Variants in TMEM108 observed in about 807,000 individuals in gnomAD.
The protein encoded by TMEM108 is cancer/testis antigen 124.
TMEM108 carries 12 observed loss-of-function variants against 35.1 expected under a neutral mutation model. The observed-to-expected ratio is 0.34, with a 90% confidence interval of 0.22 to 0.55. The LOEUF (loss-of-function observed/expected upper bound fraction) is 0.55, where lower values mean the gene tolerates loss of function less well. Ranked by LOEUF, TMEM108 falls within the 20% of genes least tolerant of loss-of-function variation. TMEM108 has a pLI of 0.89. For synonymous variants in TMEM108, 287 were observed against 308.6 expected, an observed-to-expected ratio of 0.93 and a Z score of 0.73; for missense variants, 680 against 753.3, an observed-to-expected ratio of 0.90 and a Z score of 1.14.
intron 2 of TMEM108, among the ~76,000 whole-genome samples, chr3:133,128,215 C>A (rs1014766793): frequency 1.3e-5 from 2 of 152,174 alleles, no homozygotes; most frequent in African/African-American, 2.4e-5. Context: ...CTGGCACTTG[C>A]AAGGGACATC....
At chr3:133,263,501 G>C (rs1466150573) in intron 3 of TMEM108, among the ~76,000 whole-genome samples, 1 of 152,162 alleles carries the variant, frequency 6.6e-6, no homozygotes, top group Non-Finnish European at 1.5e-5. Context: ...CTGTAGCCTT[G>C]TTCCCTGACC....
At chr3:133,357,817 A>G (rs1272309436) in intron 3 of TMEM108, among the ~76,000 whole-genome samples, 2 of 152,116 alleles carry the variant, frequency 1.3e-5, no homozygotes, top group Admixed American at 1.3e-4. Context: ...ATAAAAGACT[A>G]CATACTGGGT....
At chr3:133,322,401 A>G (rs1269631880) in intron 3 of TMEM108, among the ~76,000 whole-genome samples, 2 of 152,180 alleles carry the variant, frequency 1.3e-5, no homozygotes, top group African/African-American at 2.4e-5. Context: ...ACACCTTTAC[A>G]TGCACAAACT....
intron 2 of TMEM108, among the ~76,000 whole-genome samples, chr3:133,181,008 T>TTAAAAAAAAAAAAA (rs1342312044): frequency 5.3e-5 from 4 of 75,866 alleles, no homozygotes; most frequent in Non-Finnish European, 1.0e-4. Context: ...GCAGTTGTGT[T>TTAAAAAAAAAAAAA]AAAAAAAAAA....
At position 133,380,050 on chromosome 3, in the gene TMEM108, G is replaced by A. The variant is rs2072958467; in HGVS notation, c.339G>A (p.Leu113=). ...TVTAPHSESS[L]STGPAPAAMA... ...CCGCCCCCCATTCTGAAAGCTCCCT[G>A]TCCACAGGGCCCGCTCCAGCAGCCA... Residue 113 remains leucine (L), a synonymous_variant, in exon 4 of 6, where the codon CTG becomes CTA. Coordinates refer to ENST00000321871, the MANE Select transcript of TMEM108 (RefSeq NM_023943.4). This position sits in a 1 kb window ranked among gnomAD's most constrained non-coding sequence, Gnocchi z 5.3. 6.2e-7 allele frequency: 1 copy of A among 1,613,712 alleles called. No homozygotes were observed. The highest frequency in any genetic ancestry group is 8.5e-7 in the Non-Finnish European group (1 of 1,179,964).
chr3:133,232,527 A>G (rs1193769116), intron 3 of TMEM108, among the ~76,000 whole-genome samples: 1 of 152,178 alleles, frequency 6.6e-6, no homozygotes, highest in Non-Finnish European at 1.5e-5. Context: ...TTCTTTATGA[A>G]TTACACAGCC....
chr3:133,140,474 C>T lies in TMEM108; in HGVS notation c.-46-88792C>T, dbSNP rs183410415. 2.6e-5 allele frequency among the ~76,000 whole-genome samples: 4 copies of T among 152,206 alleles called. No homozygotes were observed. The East Asian group carries it at 7.7e-4, about 29-fold the overall frequency. ...TGGTAGAGTTGTGAAGAATTGTGTC[C>T]TGTGAATTTTGCAATTCAGAGGACA... On this transcript the variant is annotated intron_variant, in intron 2 of 5. Coordinates refer to ENST00000321871, the MANE Select transcript of TMEM108 (RefSeq NM_023943.4).
At chr3:133,054,264 CTG>C (rs1943439813) in intron 2 of TMEM108, among the ~76,000 whole-genome samples, 1 of 152,166 alleles carries the variant, frequency 6.6e-6, no homozygotes, top group South Asian at 2.1e-4. Context: ...AAGCATGAAT[CTG>C]TTTTTTTGAG....
chr3:133,129,966 C>T (rs1270465529), intron 2 of TMEM108, among the ~76,000 whole-genome samples: 1 of 34 alleles, frequency 0.029, no homozygotes. Flanking sequence ...CCTGCATCAG[C>T]GATCTTTTGA....
chr3:133,268,367 G>C (rs1029488463), intron 3 of TMEM108, among the ~76,000 whole-genome samples: 1 of 152,144 alleles, frequency 6.6e-6, no homozygotes, highest in Non-Finnish European at 1.5e-5. Context: ...CATTACCTGG[G>C]AGATTGTAGA....
intron 3 of TMEM108, among the ~76,000 whole-genome samples, chr3:133,259,740 A>T (rs1178438631): frequency 6.6e-6 from 1 of 152,170 alleles, no homozygotes; most frequent in Non-Finnish European, 1.5e-5. Flanking sequence ...ATGATATCTT[A>T]CCACAGAGGC....
intron 3 of TMEM108, among the ~76,000 whole-genome samples, chr3:133,245,109 A>G (rs1011862288): frequency 1.3e-5 from 2 of 152,218 alleles, no homozygotes; most frequent in Admixed American, 1.3e-4. Flanking sequence ...GAAGAGTCAC[A>G]AAAGTCTATG....
At chr3:133,299,157 A>G (rs1947184782) in intron 3 of TMEM108, among the ~76,000 whole-genome samples, 1 of 152,210 alleles carries the variant, frequency 6.6e-6, no homozygotes, top group Non-Finnish European at 1.5e-5. Flanking sequence ...CAGATGTTGG[A>G]TGATACCTTG....
At chr3:133,245,845 G>A (rs1239834018) in intron 3 of TMEM108, among the ~76,000 whole-genome samples, 2 of 152,008 alleles carry the variant, frequency 1.3e-5, no homozygotes, top group Admixed American at 1.3e-4. Context: ...TAGAAAAAGT[G>A]AAAAGAAATA....
chr3:133,119,434 G>A (rs537816649), intron 2 of TMEM108: 1 of 152,296 alleles, frequency 6.6e-6, no homozygotes, highest in South Asian at 2.1e-4. Flanking sequence ...TCATCTGACA[G>A]AACCCTGATT....
At chr3:133,054,588 A>G (rs1211699577) in intron 2 of TMEM108, among the ~76,000 whole-genome samples, 1 of 152,238 alleles carries the variant, frequency 6.6e-6, no homozygotes, top group Non-Finnish European at 1.5e-5. Context: ...GTGGATTACT[A>G]CCTCACATAG....
intron 2 of TMEM108, among the ~76,000 whole-genome samples, chr3:133,069,760 G>T (rs1403074662): frequency 2.0e-5 from 3 of 152,028 alleles, no homozygotes; most frequent in Non-Finnish European, 4.4e-5. Flanking sequence ...TGCATGATCT[G>T]TCCAGGCTTT....
At chr3:133,159,360 T>G (rs1410701412) in intron 2 of TMEM108, among the ~76,000 whole-genome samples, 7 of 152,234 alleles carry the variant, frequency 4.6e-5, no homozygotes, top group Admixed American at 2.0e-4. Context: ...TTAATACATC[T>G]GTCATCTGTG....
chr3:133,132,540 C>G (rs976975411), intron 2 of TMEM108, among the ~76,000 whole-genome samples: 1 of 152,116 alleles, frequency 6.6e-6, no homozygotes, highest in African/African-American at 2.4e-5. Context: ...AAAGAAGATT[C>G]CTTTCAAAAT....
Sources: gnomAD v4.1 joint callset for allele counts (sites outside exome capture counted in the v4.1 genomes callset) on GRCh38, gnomAD v4.1.1 for gene constraint, Gnocchi (gnomAD v3.1) non-coding constraint, MANE v1.5 for transcripts, NCBI Gene and HGNC (gene_info 2026-07-23, HGNC 2026-07-21) for gene names.